Variants in COMMD10 observed in about 807,000 individuals in gnomAD.
COMMD10 encodes the protein COMM domain containing 10, also known as COMM domain-containing protein 10.
COMMD10 carries 33 observed loss-of-function variants against 28.9 expected under a neutral mutation model. That is an observed-to-expected ratio of 1.14 (90% CI 0.87 to 1.53). The LOEUF (loss-of-function observed/expected upper bound fraction) is 1.53. Among genes scored for constraint, COMMD10 ranks in the 40% most tolerant of loss-of-function variants. The pLI is 0.00. For missense variants in COMMD10, 310 were observed against 233.4 expected (o/e 1.33, Z -2.14); for synonymous variants, 110 against 81.7 (o/e 1.35, Z -1.87).
chr5:116,218,312 G>C lies in COMMD10; in HGVS notation c.511-73205G>C, dbSNP rs181025676. On this transcript the variant is annotated intron_variant, in intron 5 of 6. Transcript: ENST00000274458. ...CTTGGGCATGGTGGTGGCAGTGATG[G>C]TGGTGGGACATAGGCACTGGGCGTA... 10 of 701,718 alleles carry C rather than the reference G, an allele frequency of 1.4e-5. No homozygotes were observed. In the East Asian group the frequency reaches 2.8e-4, roughly 20 times the overall value. The allele number at this position is 701,718 out of a possible 1,614,324, so 43.5% of individuals were successfully genotyped here. A position where few individuals can be genotyped will look rare whatever the true frequency, so the allele number is the denominator to read the frequency against.
intron 4 of COMMD10, among the ~76,000 whole-genome samples, chr5:116,116,628 C>A (rs770066998): frequency 1.3e-5 from 2 of 151,784 alleles, no homozygotes; most frequent in African/African-American, 4.8e-5. Context: ...ACTGACTATA[C>A]GTGGTTGTGA....
chr5:116,109,502 G>A (rs955438894), intron 4 of COMMD10, among the ~76,000 whole-genome samples: 1 of 152,206 alleles, frequency 6.6e-6, no homozygotes, highest in Non-Finnish European at 1.5e-5. Flanking sequence ...GCTGAGGCCT[G>A]AGAATTGCTT....
rs921500119 is a variant in COMMD10, at chr5:116,265,087, C to T, written c.511-26430C>T. On this transcript the variant is annotated intron_variant, in intron 5 of 6. Transcript: ENST00000274458. ...TCTATTACAGACATTTTGTCTGCTT[C>T]GCAAAATAACACAATTTTGCATTAT... 1.5e-4 allele frequency among the ~76,000 whole-genome samples: 22 copies of T among 151,672 alleles called. 2 individuals are homozygous for T. The highest frequency in any genetic ancestry group is 3.4e-4 in the African/African-American group (14 of 41,082).
At chr5:116,117,958 G>T (rs1350609542) in intron 4 of COMMD10, among the ~76,000 whole-genome samples, 1 of 152,044 alleles carries the variant, frequency 6.6e-6, no homozygotes, top group Non-Finnish European at 1.5e-5. Flanking sequence ...TTCCATTTTA[G>T]GGTTTCCATG....
chr5:116,090,934 A>C (rs1750274235), intron 2 of COMMD10, 145 bp from the exon 3 acceptor site: 1 of 548,290 alleles, frequency 1.8e-6, no homozygotes, highest in African/African-American at 1.9e-5. Flanking sequence ...ATGTTTTATA[A>C]ATTTACATGC....
At chr5:116,142,565 G>A (rs937840958) in intron 5 of COMMD10, among the ~76,000 whole-genome samples, 5 of 151,674 alleles carry the variant, frequency 3.3e-5, no homozygotes, top group Non-Finnish European at 7.4e-5. Context: ...AAACGCAAAC[G>A]TTGCATTCAG....
intron 4 of COMMD10, among the ~76,000 whole-genome samples, chr5:116,103,695 T>A (rs911207638): frequency 3.3e-5 from 5 of 152,250 alleles, no homozygotes; most frequent in Admixed American, 3.3e-4. Flanking sequence ...TTGGCTTTTG[T>A]TACCATTGCT....
intron 5 of COMMD10, among the ~76,000 whole-genome samples, chr5:116,273,445 T>C (rs1404583033): frequency 6.6e-6 from 1 of 151,870 alleles, no homozygotes; most frequent in Non-Finnish European, 1.5e-5. Context: ...GCTTTGTATA[T>C]GTTCCAGTCC....
At chr5:116,265,059 C>A (rs1032008201) in intron 5 of COMMD10, among the ~76,000 whole-genome samples, 3 of 151,736 alleles carry the variant, frequency 2.0e-5, no homozygotes, top group Admixed American at 2.0e-4. Flanking sequence ...TTCATAGCCT[C>A]ATTCTATTAC....
chr5:116,135,568 C>T (rs1191956301), intron 5 of COMMD10, among the ~76,000 whole-genome samples: 1 of 152,104 alleles, frequency 6.6e-6, no homozygotes, highest in African/African-American at 2.4e-5. Flanking sequence ...GTTTCAGTTA[C>T]CCGCGGTCAA....
intron 5 of COMMD10, among the ~76,000 whole-genome samples, chr5:116,172,559 GT>G (rs1753370319): frequency 6.6e-6 from 1 of 152,054 alleles, no homozygotes; most frequent in South Asian, 2.1e-4. Context: ...ATATTTAAGT[GT>G]TTTTTCTTCA....
intron 5 of COMMD10, among the ~76,000 whole-genome samples, chr5:116,147,088 TC>T (rs1480347267): frequency 6.6e-6 from 1 of 151,858 alleles, no homozygotes; most frequent in African/African-American, 2.4e-5. Context: ...TTGGGTGTTT[TC>T]TTTTTGCATA....
chr5:116,248,539 A>G (rs1750023220), intron 5 of COMMD10, among the ~76,000 whole-genome samples: 1 of 151,916 alleles, frequency 6.6e-6, no homozygotes, highest in Non-Finnish European at 1.5e-5. Flanking sequence ...AATAGCCTGT[A>G]CAGTTCTGTT....
chr5:116,267,199 C>T (rs189316054), intron 5 of COMMD10, among the ~76,000 whole-genome samples: 1 of 152,012 alleles, frequency 6.6e-6, no homozygotes, highest in African/African-American at 2.4e-5. Context: ...TAGAAAACCT[C>T]ATTGTCTCCA....
At position 116,110,869 on chromosome 5, in the gene COMMD10, T is replaced by C. The variant is rs150637092; in HGVS notation, c.399+18169T>C. Among the ~76,000 whole-genome samples, 286 of 152,232 alleles carry C rather than the reference T, an allele frequency of 1.9e-3. 2 individuals carry two copies. Among genetic ancestry groups the C allele is most frequent in the African/African-American group, 6.5e-3 (270 of 41,528 alleles). ...AGAGAATTCACTATTGTGAGGACAA[T>C]ACCAAGAGGGGTGGTGCTAAATCAT... On this transcript the variant is annotated intron_variant, in intron 4 of 6. Coordinates refer to ENST00000274458, the MANE Select transcript of COMMD10 (RefSeq NM_016144.4).
intron 2 of COMMD10, 129 bp downstream of exon 2, chr5:116,087,716 A>G (rs1187568685): frequency 4.7e-6 from 3 of 635,850 alleles, no homozygotes; most frequent in Non-Finnish European, 5.6e-6. Context: ...GTTCTGTGGA[A>G]GATTTGGTAA....
chr5:116,174,780 G>C (rs1465080603), intron 5 of COMMD10, among the ~76,000 whole-genome samples: 2 of 152,082 alleles, frequency 1.3e-5, no homozygotes, highest in African/African-American at 4.8e-5. Flanking sequence ...ATCTTCTCTA[G>C]GTAGTAGCCA....
At chr5:116,265,948 CAA>C (rs1561399664) in intron 5 of COMMD10, among the ~76,000 whole-genome samples, 2 of 151,648 alleles carry the variant, frequency 1.3e-5, no homozygotes, top group African/African-American at 4.9e-5. Flanking sequence ...GAGAAAAAAA[CAA>C]AAAGAAAACA....
chr5:116,141,079 C>T (rs1169557425), intron 5 of COMMD10, among the ~76,000 whole-genome samples: 2 of 151,690 alleles, frequency 1.3e-5, no homozygotes, highest in Non-Finnish European at 2.9e-5. Context: ...ATGTTTAGGT[C>T]TTTTATCTCT....
Sources: gnomAD v4.1 joint callset for allele counts (sites outside exome capture counted in the v4.1 genomes callset) on GRCh38, gnomAD v4.1.1 for gene constraint, MANE v1.5 for transcripts, NCBI Gene and HGNC (gene_info 2026-07-23, HGNC 2026-07-21) for gene names.